Variants in CFAP54 observed in about 807,000 individuals in gnomAD.
The protein encoded by CFAP54 is cilia and flagella associated protein 54, also known as cilia- and flagella-associated protein 54.
A neutral mutation model predicts 370.4 loss-of-function variants in CFAP54; 290 were observed. That is an observed-to-expected ratio of 0.78 (90% CI 0.71 to 0.86). The LOEUF (loss-of-function observed/expected upper bound fraction) is 0.86. Among genes scored for constraint, CFAP54 ranks in the 40% least tolerant of loss-of-function variants. The pLI is 0.00. For synonymous variants in CFAP54, 1,206 were observed against 1,236.5 expected, an observed-to-expected ratio of 0.98 and a Z score of 0.52; for missense variants, 3,399 against 3,528.7, an observed-to-expected ratio of 0.96 and a Z score of 0.93.
Position 96,626,921 on chromosome 12 carries a change from TC to T in CFAP54, c.4087del (p.His1363MetfsTer4). 1 of 1,392,190 alleles carries T rather than the reference TC, an allele frequency of 7.2e-7. No individual in the cohort carries two copies. Among genetic ancestry groups the T allele is most frequent in the Non-Finnish European group, 9.4e-7 (1 of 1,064,966 alleles). The allele number at this position is 1,392,190 out of a possible 1,614,324, so 86.2% of individuals were successfully genotyped here. A position where few individuals can be genotyped will look rare whatever the true frequency, so the allele number is the denominator to read the frequency against. On this transcript the variant is annotated frameshift_variant, in exon 30 of 68. Coordinates refer to ENST00000524981, the MANE Select transcript of CFAP54 (RefSeq NM_001306084.2). LOFTEE classifies it high-confidence loss of function. ...CTTATGGTAGAGGTAACAACTCCTG[TC>T]CATGACTTCTTGAAAAGGTACTTGC... ...FHLMVEVTTP[V>X]HDFLKRRNES...
chr12:96,582,459 G>A (rs1471661827), intron 22 of CFAP54, among the ~76,000 whole-genome samples: 1 of 151,994 alleles, frequency 6.6e-6, no homozygotes, highest in Admixed American at 6.6e-5. Flanking sequence ...GATCTTAGTG[G>A]CATTTTATAT....
chr12:96,627,713 A>G (rs1027005275), intron 30 of CFAP54, among the ~76,000 whole-genome samples: 8 of 152,256 alleles, frequency 5.3e-5, no homozygotes, highest in Admixed American at 1.3e-4. Context: ...GAAATTGCTT[A>G]TATTAAATGA....
chr12:96,707,772 T>G (rs1229441555), intron 47 of CFAP54, among the ~76,000 whole-genome samples: 1 of 152,080 alleles, frequency 6.6e-6, no homozygotes, highest in Non-Finnish European at 1.5e-5. Context: ...CTCAGGTGGA[T>G]GAAACAGATG....
intron 15 of CFAP54, among the ~76,000 whole-genome samples, chr12:96,552,246 C>CAAAAAAAAAAAAAAAAAAAAAATAAA (rs374756712): frequency 2.4e-5 from 1 of 40,986 alleles, no homozygotes; most frequent in Admixed American, 2.4e-4. Flanking sequence ...AACTACATCT[C>CAAAAAAAAAAAAAAAAAAAAAATAAA]AAAAAAAAAA....
intron 60 of CFAP54, among the ~76,000 whole-genome samples, chr12:96,775,919 C>T (rs1958514513): frequency 6.6e-6 from 1 of 151,974 alleles, no homozygotes; most frequent in African/African-American, 2.4e-5. Flanking sequence ...TTTAAATATG[C>T]TTTTACATAG....
chr12:96,813,222 A>G (rs1958944063), intron 64 of CFAP54, among the ~76,000 whole-genome samples: 1 of 152,196 alleles, frequency 6.6e-6, no homozygotes, highest in African/African-American at 2.4e-5. Context: ...TAGTAGGGTT[A>G]CTAAAATTAG....
chr12:96,563,389 T>G (rs981945662), intron 17 of CFAP54, among the ~76,000 whole-genome samples: 1 of 152,200 alleles, frequency 6.6e-6, no homozygotes, highest in Admixed American at 6.6e-5. Flanking sequence ...TTCCCTACAT[T>G]AGCATTCTTA....
At position 96,557,537 on chromosome 12, in the gene CFAP54, A is replaced by T. The variant is rs114112450; in HGVS notation, c.2410+2735A>T. On this transcript the variant is annotated intron_variant, in intron 17 of 67. Transcript: ENST00000524981. Reference sequence around the variant, plus strand: ...ATAGCAAAAAACTGGAAACAACCCAAGTGTCCATTAATAGAGAATTGATAA... The same window carrying T: ...ATAGCAAAAAACTGGAAACAACCCATGTGTCCATTAATAGAGAATTGATAA... Among the ~76,000 whole-genome samples the T allele has an allele frequency of 2.8e-3, 433 of 152,302 alleles. 3 individuals are homozygous for T. The highest frequency in any genetic ancestry group is 0.01 in the African/African-American group (417 of 41,574).
At chr12:96,550,388 C>G (rs1480370908) in intron 15 of CFAP54, among the ~76,000 whole-genome samples, 2 of 151,970 alleles carry the variant, frequency 1.3e-5, no homozygotes, top group African/African-American at 4.8e-5. Flanking sequence ...ACCAGCCTGG[C>G]CAACATGGCA....
chr12:96,757,755 T>C (rs1462508736), intron 58 of CFAP54, among the ~76,000 whole-genome samples, 167 bp downstream of exon 58: 1 of 152,186 alleles, frequency 6.6e-6, no homozygotes, highest in African/African-American at 2.4e-5. Flanking sequence ...AGATATCTCT[T>C]TGGACATTTT....
intron 65 of CFAP54, among the ~76,000 whole-genome samples, chr12:96,826,875 A>G (rs1311564527): frequency 1.6e-5 from 2 of 121,894 alleles, no homozygotes; most frequent in African/African-American, 6.2e-5. Context: ...ATATTATGAT[A>G]TATTATATAA....
rs1226699010 is a variant in CFAP54, at chr12:96,623,881, T to C, written c.3886T>C (p.Tyr1296His). 6.6e-7 allele frequency: 1 copy of C among 1,510,400 alleles called. No individual in the cohort carries two copies. The highest frequency in any genetic ancestry group is 2.5e-5 in the East Asian group (1 of 40,778). 93.6% of individuals were successfully genotyped at this position (1,510,400 alleles called of 1,614,324 possible). A position where few individuals can be genotyped will look rare whatever the true frequency, so the allele number is the denominator to read the frequency against. ...ACACCTACTCAAACTGACAAAGCAA[T>C]GTAATCATTTGTTTTCTGTATACTT... ...ETHLLKLTKQYVTSELSGGED... is the reference protein window; with the variant it reads ...ETHLLKLTKQHVTSELSGGED... The change falls in exon 28 of 68, where the codon TAT (tyrosine) becomes CAT (histidine). Residue 1296 changes from tyrosine (Y) to histidine (H), a missense_variant and splice_region_variant. Physicochemically the swap from Tyr to His is moderately conservative, Grantham distance 83 (BLOSUM62 2). Transcript: ENST00000524981.
At chr12:96,533,641 C>A in intron 9 of CFAP54, 151 bp from the exon 10 acceptor site, 1 of 612,422 alleles carries the variant, frequency 1.6e-6, no homozygotes, top group African/African-American at 1.9e-5. Context: ...CCTGTATTTG[C>A]CCACTAAGAT....
At chr12:96,654,388 C>T (rs1187491545) in intron 36 of CFAP54, among the ~76,000 whole-genome samples, 1 of 151,138 alleles carries the variant, frequency 6.6e-6, no homozygotes, top group Non-Finnish European at 1.5e-5. Context: ...GTAGTCCCAG[C>T]TACTTGGGAG....
rs541023610 is a variant in CFAP54, at chr12:96,553,528, TTATA to T, written c.2155-643_2155-640del. ...AATATATGTATAGTAATATATATAGTTATATATATATATAGTAATATATGTATAG... is the reference window on the plus strand; with the variant it reads ...AATATATGTATAGTAATATATATAGTTATATATATAGTAATATATGTATAG... On this transcript the variant is annotated intron_variant, in intron 15 of 67. Transcript: ENST00000524981. Among the ~76,000 whole-genome samples, 352 of 141,078 alleles carry T rather than the reference TTATA, an allele frequency of 2.5e-3. 4 individuals are homozygous for T. Among genetic ancestry groups the T allele is most frequent in the African/African-American group, 8.6e-3 (333 of 38,554 alleles). The allele number at this position is 141,078 out of a possible 152,430, so 92.6% of individuals were successfully genotyped here.
At chr12:96,867,501 G>A (rs561342210) in intron 67 of CFAP54, among the ~76,000 whole-genome samples, 14 of 152,286 alleles carry the variant, frequency 9.2e-5, no homozygotes, top group African/African-American at 3.1e-4. Context: ...TGGAATCAAC[G>A]TAAGTCTCCA....
chr12:96,661,887 C>G (rs1410571722), intron 38 of CFAP54, among the ~76,000 whole-genome samples: 2 of 152,130 alleles, frequency 1.3e-5, no homozygotes, highest in Non-Finnish European at 2.9e-5. Flanking sequence ...CTAAATTTAG[C>G]ACATCTCAAA....
At chr12:96,786,620 G>A (rs558767711) in intron 61 of CFAP54, 55 bp from the exon 62 acceptor site, 4 of 1,279,136 alleles carry the variant, frequency 3.1e-6, no homozygotes, top group Middle Eastern at 4.8e-4. Flanking sequence ...CAGCAATATT[G>A]AGATCATCCC....
chr12:96,609,875 G>T (rs775115080), intron 26 of CFAP54, among the ~76,000 whole-genome samples: 7 of 152,134 alleles, frequency 4.6e-5, no homozygotes, highest in Non-Finnish European at 7.3e-5. Context: ...CTTACTGAGG[G>T]ACACAAAATA....
Sources: gnomAD v4.1 joint callset for allele counts (sites outside exome capture counted in the v4.1 genomes callset) on GRCh38, gnomAD v4.1.1 for gene constraint, MANE v1.5 for transcripts, NCBI Gene and HGNC (gene_info 2026-07-23, HGNC 2026-07-21) for gene names.